DDAH1: variants seen among roughly 807,000 people sequenced by gnomAD.
The protein encoded by DDAH1 is dimethylarginine dimethylaminohydrolase 1.
In DDAH1, 19 loss-of-function variants were observed where a neutral mutation model predicts 28.8. That is an observed-to-expected ratio of 0.66 (90% confidence interval 0.46 to 0.97). DDAH1 has a LOEUF of 0.97. Ranked by LOEUF, DDAH1 falls within the 50% of genes least tolerant of loss-of-function variation. DDAH1 has a pLI of 0.00. For synonymous variants in DDAH1, 153 were observed against 154.4 expected, an observed-to-expected ratio of 0.99 and a Z score of 0.07; for missense variants, 326 against 375.9, an observed-to-expected ratio of 0.87 and a Z score of 1.10.
intron 1 of DDAH1, among the ~76,000 whole-genome samples, chr1:85,530,830 A>T (rs1230236519): frequency 6.7e-6 from 1 of 148,302 alleles, no homozygotes; most frequent in East Asian, 2.0e-4. Context: ...TACTAAAAAA[A>T]GAAACAAAAA....
chr1:85,507,355 T>A (rs1657051358), intron 1 of DDAH1, among the ~76,000 whole-genome samples: 1 of 151,886 alleles, frequency 6.6e-6, no homozygotes, highest in Admixed American at 6.6e-5. Flanking sequence ...ATACAAAAAT[T>A]AGCCAGGTGT....
intron 1 of DDAH1, among the ~76,000 whole-genome samples, chr1:85,555,315 T>C (rs1658928507): frequency 6.6e-6 from 1 of 152,386 alleles, no homozygotes; most frequent in East Asian, 1.9e-4. Context: ...AGCACTTCCA[T>C]ACATTTATCG....
intron 1 of DDAH1, among the ~76,000 whole-genome samples, chr1:85,541,814 T>C (rs1658480010): frequency 6.6e-6 from 1 of 152,166 alleles, no homozygotes; most frequent in Admixed American, 6.5e-5. Context: ...GCTCCTTTGC[T>C]TCTTCAGCCA....
chr1:85,578,021 C>T, exon 1 of DDAH1: 1 of 985,542 alleles, frequency 1.0e-6, no homozygotes, highest in Non-Finnish European at 1.2e-6. Context: ...TGTCCGTCAA[C>T]TTGGACTGAT....
At chr1:85,558,758 C>T (rs1260485681) in intron 1 of DDAH1, among the ~76,000 whole-genome samples, 2 of 152,048 alleles carry the variant, frequency 1.3e-5, no homozygotes, top group Non-Finnish European at 2.9e-5. Flanking sequence ...CATTCATAAT[C>T]TCATCATCTG....
At chr1:85,493,903 G>A (rs184888370) in intron 2 of DDAH1, 1 of 152,188 alleles carries the variant, frequency 6.6e-6, no homozygotes, top group African/African-American at 2.4e-5. Flanking sequence ...GGCTAACTGT[G>A]TATTTCTAGT....
At chr1:85,470,682 CTG>C (rs1188676320) in intron 2 of DDAH1, among the ~76,000 whole-genome samples, 5 of 152,114 alleles carry the variant, frequency 3.3e-5, no homozygotes, top group Non-Finnish European at 7.4e-5. Context: ...TGCAGATTGC[CTG>C]TTATATCCAA....
intron 1 of DDAH1, among the ~76,000 whole-genome samples, chr1:85,496,627 G>T (rs927244147): frequency 6.6e-6 from 1 of 152,152 alleles, no homozygotes; most frequent in Admixed American, 6.5e-5. Flanking sequence ...TTCCTTTCCA[G>T]TTCCAATTTT....
intron 1 of DDAH1, among the ~76,000 whole-genome samples, chr1:85,558,047 A>G (rs533366554): frequency 6.6e-6 from 1 of 151,956 alleles, no homozygotes; most frequent in South Asian, 2.1e-4. Context: ...AAGAAAATGC[A>G]CTTGGTCCAA....
intron 1 of DDAH1, among the ~76,000 whole-genome samples, chr1:85,384,509 C>T (rs923787917): frequency 1.3e-5 from 2 of 152,184 alleles, no homozygotes; most frequent in Non-Finnish European, 2.9e-5. Context: ...TGTTTCCCTT[C>T]CCTCAGGGAT....
intron 4 of DDAH1, among the ~76,000 whole-genome samples, chr1:85,328,882 C>T (rs1229090436): frequency 6.6e-6 from 1 of 152,196 alleles, no homozygotes; most frequent in Non-Finnish European, 1.5e-5. Context: ...CTAAGTGCTC[C>T]CACCACTCAT....
intron 1 of DDAH1, among the ~76,000 whole-genome samples, chr1:85,411,628 CAATT>C (rs1652659446): frequency 6.6e-6 from 1 of 152,152 alleles, no homozygotes; most frequent in Non-Finnish European, 1.5e-5. Context: ...GGACAACAGA[CAATT>C]AATTCTATTG....
At chr1:85,371,788 A>G (rs1650398392) in intron 1 of DDAH1, among the ~76,000 whole-genome samples, 1 of 152,222 alleles carries the variant, frequency 6.6e-6, no homozygotes, top group Non-Finnish European at 1.5e-5. Flanking sequence ...ATCTGAACTG[A>G]GAAACACTTC....
intron 1 of DDAH1, among the ~76,000 whole-genome samples, chr1:85,403,017 G>T (rs912417790): frequency 2.6e-5 from 4 of 151,938 alleles, no homozygotes; most frequent in African/African-American, 9.7e-5. Flanking sequence ...TGTACCCATG[G>T]AGGAGTGTCT....
At chr1:85,465,774 C>G (rs1236849873), upstream of DDAH1, among the ~76,000 whole-genome samples, 1 of 152,164 alleles carries the variant, frequency 6.6e-6, no homozygotes, top group Non-Finnish European at 1.5e-5. Context: ...ACCCCCCACC[C>G]TAAACCCCCT....
intron 1 of DDAH1, among the ~76,000 whole-genome samples, chr1:85,556,830 A>G (rs1321685182): frequency 6.6e-6 from 1 of 152,210 alleles, no homozygotes; most frequent in East Asian, 1.9e-4. Context: ...AAGTAGAATA[A>G]AAGTGGCTGG....
chr1:85,507,050 C>T (rs770397346), intron 1 of DDAH1, among the ~76,000 whole-genome samples: 4 of 152,140 alleles, frequency 2.6e-5, no homozygotes, highest in African/African-American at 9.7e-5. Flanking sequence ...ATAAATATCT[C>T]TACAATCTCT....
At chr1:85,396,687 T>C (rs1272032319) in intron 1 of DDAH1, among the ~76,000 whole-genome samples, 2 of 152,264 alleles carry the variant, frequency 1.3e-5, no homozygotes, top group Middle Eastern at 3.4e-3. Context: ...ATATTGTCAA[T>C]AAGAGATAAC....
intron 2 of DDAH1, among the ~76,000 whole-genome samples, chr1:85,477,256 C>T (rs1021551519): frequency 2.0e-5 from 3 of 152,082 alleles, no homozygotes; most frequent in Non-Finnish European, 4.4e-5. Flanking sequence ...ATATTGTTAA[C>T]CTTGTTTTAA....
Sources: gnomAD v4.1 joint callset for allele counts (sites outside exome capture counted in the v4.1 genomes callset) on GRCh38, gnomAD v4.1.1 for gene constraint, MANE v1.5 for transcripts, NCBI Gene and HGNC (gene_info 2026-07-23, HGNC 2026-07-21) for gene names.